The following ATXN7 variants were observed in gnomAD, a reference collection of about 807,000 sequenced individuals.
The protein encoded by ATXN7 is ataxin 7.
A neutral mutation model predicts 70.5 loss-of-function variants in ATXN7; 12 were observed. That is an observed-to-expected ratio of 0.17 (90% CI 0.11 to 0.28). The LOEUF (loss-of-function observed/expected upper bound fraction) is 0.28, where lower values mean the gene tolerates loss of function less well. Among genes scored for constraint, ATXN7 ranks in the 10% least tolerant of loss-of-function variants. ATXN7 has a pLI of 1.00. For missense variants in ATXN7, 1,256 were observed against 1,131.7 expected, an observed-to-expected ratio of 1.11 and a Z score of -1.58; for synonymous variants, 498 against 448.7, an observed-to-expected ratio of 1.11 and a Z score of -1.39.
chr3:63,891,302 G>C (rs773806429), intron 1 of ATXN7, among the ~76,000 whole-genome samples: 1 of 148,156 alleles, frequency 6.7e-6, no homozygotes, highest in Admixed American at 6.7e-5. Context: ...AGCGACGAGC[G>C]ACTGCACCTG....
intron 6 of ATXN7, among the ~76,000 whole-genome samples, chr3:63,981,452 G>T (rs568841760): frequency 1.2e-4 from 19 of 152,314 alleles, no homozygotes; most frequent in Admixed American, 1.0e-3. Context: ...TTAGAGCTAG[G>T]CCTTTAGATA....
intron 1 of ATXN7, among the ~76,000 whole-genome samples, chr3:63,884,816 A>T (rs965406133): frequency 7.0e-6 from 1 of 143,610 alleles, no homozygotes; most frequent in African/African-American, 2.5e-5. Flanking sequence ...TGCCCAGCTA[A>T]TTTTTTTTTT....
chr3:63,872,411 T>C (rs1702624875), intron 1 of ATXN7, among the ~76,000 whole-genome samples: 1 of 152,102 alleles, frequency 6.6e-6, no homozygotes, highest in Non-Finnish European at 1.5e-5. Context: ...AAGTCTTGAG[T>C]CAGAACTAGT....
chr3:63,999,635 A>G lies in ATXN7; in HGVS notation c.*168A>G. Reference sequence around the variant, plus strand: ...TGTTGTTTTAACGAGGATTTCCCTGAAGCTATGTCTCTAGCAGTGAGTACT... The same window carrying G: ...TGTTGTTTTAACGAGGATTTCCCTGGAGCTATGTCTCTAGCAGTGAGTACT... On this transcript the variant is annotated 3_prime_UTR_variant, in exon 13 of 13. Transcript: ENST00000674280. The G allele has an allele frequency of 8.0e-7, 1 of 1,250,472 alleles. No homozygotes were observed. The highest frequency in any genetic ancestry group is 1.1e-6 in the Non-Finnish European group (1 of 872,506). 77.5% of individuals were successfully genotyped at this position (1,250,472 alleles called of 1,614,324 possible). A position where few individuals can be genotyped will look rare whatever the true frequency, so the allele number is the denominator to read the frequency against.
At position 63,967,743 on chromosome 3, in the gene ATXN7, T is replaced by C. The variant is rs2075250094; in HGVS notation, c.500-12172T>C. 2.1e-6 allele frequency: 3 copies of C among 1,404,424 alleles called. No homozygotes were observed. The Admixed American group carries it at 8.4e-5, about 40-fold the overall frequency. 87.0% of individuals were successfully genotyped at this position (1,404,424 alleles called of 1,614,324 possible). A position where few individuals can be genotyped will look rare whatever the true frequency, so the allele number is the denominator to read the frequency against. ...TTAGATGAAATTAGACTCCACCCCC[T>C]GTTTTCTGTTGATCTGCCAGGACCT... On this transcript the variant is annotated intron_variant, in intron 5 of 12. Transcript: ENST00000674280.
chr3:63,930,080 A>AT (rs1196168479), intron 4 of ATXN7, among the ~76,000 whole-genome samples: 2 of 152,132 alleles, frequency 1.3e-5, no homozygotes, highest in African/African-American at 2.4e-5. Context: ...ATAGGACATA[A>AT]TTTTTTTAAC....
chr3:63,993,445 C>T (rs2075705717), intron 11 of ATXN7, among the ~76,000 whole-genome samples: 1 of 150,378 alleles, frequency 6.6e-6, no homozygotes, highest in Non-Finnish European at 1.5e-5. Context: ...GAGCGAGACT[C>T]CGTCTCAAAA....
At chr3:63,870,848 A>G (rs1214998210) in intron 1 of ATXN7, among the ~76,000 whole-genome samples, 1 of 152,180 alleles carries the variant, frequency 6.6e-6, no homozygotes, top group Admixed American at 6.5e-5. Flanking sequence ...TATAAAGCAC[A>G]CAAAAATTCC....
chr3:63,863,951 GCGC>G lies in ATXN7; in HGVS notation c.-293_-291del, dbSNP rs1161401026. 78 of 81,100 alleles carry G rather than the reference GCGC, an allele frequency of 9.6e-4. No homozygotes were observed. The highest frequency in any genetic ancestry group is 2.7e-3 in the East Asian group (3 of 1,108). The allele number at this position is 81,100 out of a possible 1,614,324, so 5.0% of individuals were successfully genotyped here. On this transcript the variant is annotated 5_prime_UTR_variant, in exon 1 of 13. Transcript: ENST00000674280. ...TCCGACGCCTGAGCCGCGCCGCGCC[GCGC>G]CGCCGCCGCCGCCGCCGCCGCCGCG... is the stretch of plus-strand genomic sequence containing the variant.
At chr3:63,973,958 G>A (rs1575972618) in intron 5 of ATXN7, among the ~76,000 whole-genome samples, 1 of 152,180 alleles carries the variant, frequency 6.6e-6, no homozygotes, top group African/African-American at 2.4e-5. Flanking sequence ...ATAGGTGAAG[G>A]GTGGGGACCA....
At chr3:63,977,804 C>G (rs2075413857) in intron 5 of ATXN7, among the ~76,000 whole-genome samples, 1 of 151,972 alleles carries the variant, frequency 6.6e-6, no homozygotes, top group African/African-American at 2.4e-5. Context: ...CAATGATGTC[C>G]CCATGAGAGA....
At chr3:63,937,031 A>G (rs2074674123) in intron 4 of ATXN7, among the ~76,000 whole-genome samples, 1 of 152,250 alleles carries the variant, frequency 6.6e-6, no homozygotes, top group Non-Finnish European at 1.5e-5. Context: ...TCTAAAAAAT[A>G]AGAGTGAAAA....
chr3:63,912,328 G>C (rs936745953), intron 2 of ATXN7: 1 of 152,800 alleles, frequency 6.5e-6, no homozygotes, highest in Non-Finnish European at 1.5e-5. Flanking sequence ...CAGCGCCGCG[G>C]TGGCGGGCCG....
intron 5 of ATXN7, chr3:63,968,531 A>G (rs971301078): frequency 6.6e-6 from 1 of 152,368 alleles, no homozygotes; most frequent in Admixed American, 6.5e-5. Flanking sequence ...CTGTTTTGTC[A>G]GATACTTCAA....
At chr3:63,942,438 T>C (rs1458568933) in intron 4 of ATXN7, among the ~76,000 whole-genome samples, 1 of 152,176 alleles carries the variant, frequency 6.6e-6, no homozygotes, top group Non-Finnish European at 1.5e-5. Context: ...GTAAACTGTT[T>C]TATTTTTGTT....
At position 63,922,230 on chromosome 3, in the gene ATXN7, C is replaced by T. The variant is rs79923995; in HGVS notation, c.394+9005C>T. Reference sequence around the variant, plus strand: ...AATTTTTGTATTTTGTTTGTAGAGACGGGGTTTCACCATGTTGCCCAGGCT... The same window carrying T: ...AATTTTTGTATTTTGTTTGTAGAGATGGGGTTTCACCATGTTGCCCAGGCT... On this transcript the variant is annotated intron_variant, in intron 4 of 12. Coordinates refer to ENST00000674280, the MANE Select transcript of ATXN7 (RefSeq NM_001377405.1). 5.5e-3 allele frequency among the ~76,000 whole-genome samples: 831 copies of T among 151,988 alleles called. 5 individuals are homozygous for T. Among genetic ancestry groups the T allele is most frequent in the African/African-American group, 0.019 (793 of 41,434 alleles).
intron 5 of ATXN7, chr3:63,967,944 C>A (rs1221272902): frequency 1.3e-6 from 2 of 1,535,914 alleles, no homozygotes; most frequent in Non-Finnish European, 1.7e-6. Context: ...TCCAAAGCAG[C>A]CCTTCTGCGC....
intron 5 of ATXN7, among the ~76,000 whole-genome samples, chr3:63,952,953 C>T (rs2106661628): frequency 6.9e-6 from 1 of 144,388 alleles, no homozygotes; most frequent in Non-Finnish European, 1.5e-5. Context: ...AGTTAGTTGG[C>T]ATTGTCATAA....
chr3:63,874,664 G>C (rs1702696821), intron 1 of ATXN7, among the ~76,000 whole-genome samples: 1 of 152,098 alleles, frequency 6.6e-6, no homozygotes, highest in Non-Finnish European at 1.5e-5. Flanking sequence ...CCTTATTGAG[G>C]GTGGTTCTAG....
Sources: gnomAD v4.1 joint callset for allele counts (sites outside exome capture counted in the v4.1 genomes callset) on GRCh38, gnomAD v4.1.1 for gene constraint, MANE v1.5 for transcripts, NCBI Gene and HGNC (gene_info 2026-07-23, HGNC 2026-07-21) for gene names.